The following RAPGEF5 variants were observed in gnomAD, a reference collection of about 807,000 sequenced individuals.
RAPGEF5 encodes M-Ras-regulated GEF.
RAPGEF5 carries 65 observed loss-of-function variants against 125.2 expected under a neutral mutation model. The ratio of observed to expected loss-of-function variants is 0.52; its 90% CI spans 0.43 to 0.64. The LOEUF (loss-of-function observed/expected upper bound fraction) is 0.64. Among genes scored for constraint, RAPGEF5 ranks in the 30% least tolerant of loss-of-function variants. The pLI, the probability that RAPGEF5 is intolerant of heterozygous loss-of-function variation, is 0.00. For synonymous variants in RAPGEF5, 391 were observed against 385.9 expected (o/e 1.01, Z -0.16); for missense variants, 958 against 1,048.1 (o/e 0.91, Z 1.19).
chr7:22,177,739 A>G (rs558458352), intron 11 of RAPGEF5, among the ~76,000 whole-genome samples: 61 of 152,332 alleles, frequency 4.0e-4, no homozygotes, highest in African/African-American at 1.4e-3. Context: ...GAATAAAGAG[A>G]ATAACCACCC....
chr7:22,301,378 G>A (rs1583561685), intron 5 of RAPGEF5, among the ~76,000 whole-genome samples: 1 of 152,162 alleles, frequency 6.6e-6, no homozygotes, highest in Admixed American at 6.5e-5. Context: ...AACTTTGGGA[G>A]GCCAAGGCGG....
chr7:22,287,047 A>T (rs1782815366), intron 6 of RAPGEF5, among the ~76,000 whole-genome samples: 1 of 152,234 alleles, frequency 6.6e-6, no homozygotes, highest in African/African-American at 2.4e-5. Flanking sequence ...GCGGAAAGTC[A>T]CACTGCTTCC....
At chr7:22,164,585 T>C (rs1032488258) in intron 12 of RAPGEF5, among the ~76,000 whole-genome samples, 1 of 152,230 alleles carries the variant, frequency 6.6e-6, no homozygotes, top group Non-Finnish European at 1.5e-5. Context: ...TTATCTGCTT[T>C]ACCTTGTTTT....
chr7:22,267,820 A>C (rs1469828480), intron 6 of RAPGEF5, among the ~76,000 whole-genome samples: 1 of 152,124 alleles, frequency 6.6e-6, no homozygotes, highest in African/African-American at 2.4e-5. Flanking sequence ...CAAACTCTTA[A>C]ACTCAGAAGT....
At position 22,199,531 on chromosome 7, in the gene RAPGEF5, GAAAAAAAAAAAAA is replaced by G. The variant is rs35024654; in HGVS notation, c.997-5511_997-5499del. Among the ~76,000 whole-genome samples the G allele has an allele frequency of 8.0e-4, 50 of 62,856 alleles. 1 individual carries two copies. In the South Asian group the frequency reaches 0.018, roughly 23 times the overall value. The allele number at this position is 62,856 out of a possible 152,430, so 41.2% of individuals were successfully genotyped here. A position where few individuals can be genotyped will look rare whatever the true frequency, so the allele number is the denominator to read the frequency against. ...GTTATGTAAGTTTTACCTTAAAATT[GAAAAAAAAAAAAA>G]AAAAAAAAAAAAAAGGAACTGAGCA... On this transcript the variant is annotated intron_variant, in intron 9 of 25. Transcript: ENST00000665637.
chr7:22,345,695 GCTT>G (rs1353448609), intron 1 of RAPGEF5, among the ~76,000 whole-genome samples: 1 of 129,986 alleles, frequency 7.7e-6, no homozygotes, highest in African/African-American at 2.9e-5. Context: ...TGTCTAGGCA[GCTT>G]TTTTTTTTTT....
rs1449749536 is a variant in RAPGEF5, at chr7:22,219,942, T to A, written c.920A>T (p.Glu307Val). The change falls in exon 9 of 26, where the codon GAA becomes GTA. Residue 307 changes from glutamate to valine, a missense_variant. Glu to Val is a moderately radical substitution (Grantham distance 121). Transcript: ENST00000665637. Reference sequence around the variant, plus strand: ...TTCTTTTGCCAGCTTCTGGACTAGTTCAATTCGTCCGATTTCATCTCTTTC... The same window carrying A: ...TTCTTTTGCCAGCTTCTGGACTAGTACAATTCGTCCGATTTCATCTCTTTC... Reference protein sequence around the residue: ...LQERDEIGRIELVQKLAKENY... With the variant: ...LQERDEIGRIVLVQKLAKENY... 1 of 1,613,538 alleles carries A rather than the reference T, an allele frequency of 6.2e-7. No individual in the cohort carries two copies. Among genetic ancestry groups the A allele is most frequent in the Non-Finnish European group, 8.5e-7 (1 of 1,179,692 alleles).
chr7:22,255,159 T>A (rs899827456), intron 7 of RAPGEF5, among the ~76,000 whole-genome samples: 15 of 152,170 alleles, frequency 9.9e-5, no homozygotes, highest in African/African-American at 3.4e-4. Flanking sequence ...TATAAGGTCA[T>A]ATAGGATACA....
chr7:22,206,536 T>A (rs987072300), intron 9 of RAPGEF5, among the ~76,000 whole-genome samples: 1 of 151,764 alleles, frequency 6.6e-6, no homozygotes, highest in Non-Finnish European at 1.5e-5. Context: ...GCCTTGTCTC[T>A]ACAAAAATAC....
intron 7 of RAPGEF5, among the ~76,000 whole-genome samples, chr7:22,238,178 T>G (rs1786240770): frequency 6.6e-6 from 1 of 152,226 alleles, no homozygotes; most frequent in Admixed American, 6.5e-5. Flanking sequence ...TACCTCTTTG[T>G]GCCAACATTT....
At chr7:22,345,891 C>T (rs1233509714) in intron 1 of RAPGEF5, among the ~76,000 whole-genome samples, 1 of 152,124 alleles carries the variant, frequency 6.6e-6, no homozygotes, top group Non-Finnish European at 1.5e-5. Context: ...ATTTAATCTT[C>T]TAGAAACAGA....
At chr7:22,321,030 A>T (rs1783704805) in intron 1 of RAPGEF5, among the ~76,000 whole-genome samples, 1 of 152,184 alleles carries the variant, frequency 6.6e-6, no homozygotes, top group Non-Finnish European at 1.5e-5. Context: ...TCCTAGAATT[A>T]CTTAAGTTGG....
At chr7:22,197,054 T>C (rs1785163845) in intron 9 of RAPGEF5, among the ~76,000 whole-genome samples, 1 of 152,028 alleles carries the variant, frequency 6.6e-6, no homozygotes, top group African/African-American at 2.4e-5. Context: ...TGAAGACCAC[T>C]ACCAAGATGA....
chr7:22,181,125 C>A (rs1784659839), intron 11 of RAPGEF5, among the ~76,000 whole-genome samples: 1 of 152,128 alleles, frequency 6.6e-6, no homozygotes, highest in Admixed American at 6.5e-5. Context: ...ATGAAAAGAT[C>A]ACTCTGCTCT....
At chr7:22,246,939 A>G (rs907836653) in intron 7 of RAPGEF5, among the ~76,000 whole-genome samples, 1 of 152,240 alleles carries the variant, frequency 6.6e-6, no homozygotes, top group African/African-American at 2.4e-5. Context: ...ACACTTTTCA[A>G]AAGAAGACAC....
Position 22,201,020 on chromosome 7 carries a change from C to T in RAPGEF5, c.997-6987G>A, listed in dbSNP as rs562586962. 3.9e-5 allele frequency among the ~76,000 whole-genome samples: 6 copies of T among 152,280 alleles called. No homozygotes were observed. In the South Asian group the frequency reaches 8.3e-4, roughly 21 times the overall value. On this transcript the variant is annotated intron_variant, in intron 9 of 25. Transcript: ENST00000665637. ...AAGTGTTTAATGAAGGGGCTATTTA[C>T]AGCTGTGTAGGTAGGTTTGATGAAA...
intron 8 of RAPGEF5, among the ~76,000 whole-genome samples, chr7:22,230,314 G>C (rs1050663767): frequency 1.3e-5 from 2 of 152,304 alleles, no homozygotes; most frequent in East Asian, 3.9e-4. Context: ...CTTCTGACCA[G>C]AATCAACAGA....
intron 2 of RAPGEF5, among the ~76,000 whole-genome samples, chr7:22,316,489 A>ATATATTTT (rs1201099897): frequency 3.9e-5 from 2 of 50,644 alleles, no homozygotes; most frequent in African/African-American, 8.2e-5. Context: ...ATATATATAT[A>ATATATTTT]TTTTTTTTTT....
intron 1 of RAPGEF5, among the ~76,000 whole-genome samples, chr7:22,344,319 C>T (rs1354186206): frequency 6.6e-6 from 1 of 152,144 alleles, no homozygotes; most frequent in Non-Finnish European, 1.5e-5. Context: ...AACAGCCTAT[C>T]AAAGATGTGT....
Sources: gnomAD v4.1 joint callset for allele counts (sites outside exome capture counted in the v4.1 genomes callset) on GRCh38, gnomAD v4.1.1 for gene constraint, MANE v1.5 for transcripts, NCBI Gene and HGNC (gene_info 2026-07-23, HGNC 2026-07-21) for gene names.